The following PTPRM variants were observed in gnomAD, a reference collection of about 807,000 sequenced individuals.
PTPRM encodes the protein receptor-type tyrosine-protein phosphatase mu.
PTPRM carries 47 observed loss-of-function variants against 186.7 expected under a neutral mutation model. The observed-to-expected ratio is 0.25, with a 90% confidence interval of 0.20 to 0.32. The LOEUF (loss-of-function observed/expected upper bound fraction) is 0.32, where lower values mean the gene tolerates loss of function less well. PTPRM is among the 10% of genes least tolerant of loss of function. The pLI is 1.00. For missense variants in PTPRM, 1,494 were observed against 1,865.0 expected (o/e 0.80, Z 3.66); for synonymous variants, 668 against 674.9 (o/e 0.99, Z 0.16).
intron 7 of PTPRM, among the ~76,000 whole-genome samples, chr18:7,994,853 T>C (rs1418839711): frequency 6.6e-6 from 1 of 152,016 alleles, no homozygotes; most frequent in African/African-American, 2.4e-5. Context: ...TAGTAATAAA[T>C]ACCTACATCA....
At chr18:7,839,184 T>C (rs2046205151) in intron 2 of PTPRM, among the ~76,000 whole-genome samples, 2 of 152,174 alleles carry the variant, frequency 1.3e-5, no homozygotes, top group South Asian at 4.1e-4. Flanking sequence ...TACCCCACTG[T>C]GCCCGAGGTG....
intron 2 of PTPRM, among the ~76,000 whole-genome samples, chr18:7,880,067 CA>C (rs2048428228): frequency 6.6e-6 from 1 of 152,138 alleles, no homozygotes; most frequent in Non-Finnish European, 1.5e-5. Flanking sequence ...CATCAGATTT[CA>C]TGAGAACTCA....
intron 2 of PTPRM, among the ~76,000 whole-genome samples, chr18:7,876,198 A>T (rs1478438870): frequency 1.3e-5 from 2 of 149,932 alleles, no homozygotes; most frequent in Admixed American, 1.3e-4. Flanking sequence ...TAGGTGATTT[A>T]AAAAAATTGG....
Position 7,748,253 on chromosome 18 carries a change from T to C in PTPRM, c.74-25896T>C, listed in dbSNP as rs117838108. ...GGCTAGAGTCTTTAAGGAAAGAATGTTTAATTTTAGTTAGCTTTAGTCACT... is the reference window on the plus strand; with the variant it reads ...GGCTAGAGTCTTTAAGGAAAGAATGCTTAATTTTAGTTAGCTTTAGTCACT... On this transcript the variant is annotated intron_variant, in intron 1 of 32. Coordinates refer to ENST00000580170, the MANE Select transcript of PTPRM (RefSeq NM_001105244.2). 2.2e-4 allele frequency among the ~76,000 whole-genome samples: 33 copies of C among 152,316 alleles called. No homozygotes were observed. In the East Asian group the frequency reaches 6.2e-3, roughly 28 times the overall value.
At chr18:8,076,792 A>G (rs1330247269) in intron 9 of PTPRM, among the ~76,000 whole-genome samples, 4 of 152,146 alleles carry the variant, frequency 2.6e-5, no homozygotes, top group African/African-American at 9.6e-5. Context: ...TCCAGATTAT[A>G]TGTTATTATA....
rs1002361748 is a variant in PTPRM, at chr18:7,668,269, G to A, written c.73+100378G>A. 6.6e-6 allele frequency among the ~76,000 whole-genome samples: 1 copy of A among 152,134 alleles called. No homozygotes were observed. Among genetic ancestry groups the A allele is most frequent in the Non-Finnish European group, 1.5e-5 (1 of 68,026 alleles). On this transcript the variant is annotated intron_variant, in intron 1 of 32. Coordinates refer to ENST00000580170, the MANE Select transcript of PTPRM (RefSeq NM_001105244.2). This position sits in a 1 kb window ranked among gnomAD's most constrained non-coding sequence, Gnocchi z 4.7. Reference sequence around the variant, plus strand: ...CAGCTCTGGTGTGAATAGTCACAGTGCCACCATTTTGGGTCCTGGTAATGG... The same window carrying A: ...CAGCTCTGGTGTGAATAGTCACAGTACCACCATTTTGGGTCCTGGTAATGG...
intron 1 of PTPRM, among the ~76,000 whole-genome samples, chr18:7,580,162 T>C (rs2036806018): frequency 6.6e-6 from 1 of 152,194 alleles, no homozygotes; most frequent in South Asian, 2.1e-4. Flanking sequence ...AGTATGAGGA[T>C]TGTCATCAGC....
At chr18:8,348,315 AGCCG>A (rs1267610697) in intron 23 of PTPRM, among the ~76,000 whole-genome samples, 1 of 152,204 alleles carries the variant, frequency 6.6e-6, no homozygotes, top group Admixed American at 6.5e-5. Context: ...CTGGTGTTGG[AGCCG>A]CCAGGAGACC....
intron 1 of PTPRM, among the ~76,000 whole-genome samples, chr18:7,643,616 AG>A (rs2038495790): frequency 6.6e-6 from 1 of 152,218 alleles, no homozygotes; most frequent in Non-Finnish European, 1.5e-5. Context: ...CTGGGATTAC[AG>A]GCATGAGCCA....
At chr18:7,904,655 T>C (rs1458887337) in intron 3 of PTPRM, among the ~76,000 whole-genome samples, 1 of 152,216 alleles carries the variant, frequency 6.6e-6, no homozygotes, top group African/African-American at 2.4e-5. Flanking sequence ...CAGTGTATTA[T>C]TTACAAGTTG....
chr18:7,721,315 T>C (rs1301294683), intron 1 of PTPRM, among the ~76,000 whole-genome samples: 1 of 152,066 alleles, frequency 6.6e-6, no homozygotes, highest in Non-Finnish European at 1.5e-5. Context: ...TATTTTATAA[T>C]TGGATTTTTT....
chr18:8,400,467 A>G (rs2148634405), intron 32 of PTPRM, among the ~76,000 whole-genome samples: 1 of 152,302 alleles, frequency 6.6e-6, no homozygotes, highest in East Asian at 1.9e-4. Flanking sequence ...GCCCCAGCCC[A>G]CTTCAGCCAG....
intron 1 of PTPRM, among the ~76,000 whole-genome samples, chr18:7,611,930 C>T (rs986465602): frequency 2.6e-5 from 4 of 152,160 alleles, no homozygotes; most frequent in African/African-American, 9.7e-5. Flanking sequence ...AGCATGAAAG[C>T]AGACTGATAC....
intron 2 of PTPRM, among the ~76,000 whole-genome samples, chr18:7,855,002 A>C (rs549664254): frequency 2.1e-4 from 32 of 152,290 alleles, no homozygotes; most frequent in African/African-American, 5.8e-4. Flanking sequence ...CAACCGCCCC[A>C]GGCAGATAAA....
chr18:7,758,266 C>A (rs2041604274), intron 1 of PTPRM, among the ~76,000 whole-genome samples: 1 of 152,152 alleles, frequency 6.6e-6, no homozygotes, highest in African/African-American at 2.4e-5. Flanking sequence ...CAAAGGGATC[C>A]ATAAGCTCTT....
At chr18:8,107,394 A>AT (rs1330396665) in intron 11 of PTPRM, among the ~76,000 whole-genome samples, 1 of 152,074 alleles carries the variant, frequency 6.6e-6, no homozygotes, top group Non-Finnish European at 1.5e-5. Context: ...TAACTAAAGA[A>AT]TTTTTTTCAC....
chr18:7,621,063 G>A (rs778902587), intron 1 of PTPRM, among the ~76,000 whole-genome samples: 4 of 152,066 alleles, frequency 2.6e-5, no homozygotes, highest in Non-Finnish European at 5.9e-5. Flanking sequence ...TAAAATAATA[G>A]CAGCTAAAAC....
chr18:8,039,233 T>C (rs2086539343), intron 7 of PTPRM, among the ~76,000 whole-genome samples: 1 of 152,130 alleles, frequency 6.6e-6, no homozygotes, highest in Non-Finnish European at 1.5e-5. Flanking sequence ...AAATGAAGCT[T>C]CATAAAAAGT....
At chr18:7,911,808 A>G (rs1023396973) in intron 4 of PTPRM, among the ~76,000 whole-genome samples, 1 of 146,604 alleles carries the variant, frequency 6.8e-6, no homozygotes, top group Non-Finnish European at 1.5e-5. Context: ...TAAGATCACA[A>G]AGCTTTTCTG....
Sources: gnomAD v4.1 joint callset for allele counts (sites outside exome capture counted in the v4.1 genomes callset) on GRCh38, gnomAD v4.1.1 for gene constraint, Gnocchi (gnomAD v3.1) non-coding constraint, MANE v1.5 for transcripts, NCBI Gene and HGNC (gene_info 2026-07-23, HGNC 2026-07-21) for gene names.